The following GPHN variants were observed in gnomAD, a reference collection of about 807,000 sequenced individuals.
GPHN encodes gephyrin.
A neutral mutation model predicts 95.5 loss-of-function variants in GPHN; 17 were observed. The ratio of observed to expected loss-of-function variants is 0.18; its 90% CI spans 0.12 to 0.27. The LOEUF is 0.27. Ranked by LOEUF, GPHN falls within the 10% of genes least tolerant of loss-of-function variation. GPHN has a pLI of 1.00. For missense variants in GPHN, 660 were observed against 978.1 expected, an observed-to-expected ratio of 0.67 and a Z score of 4.34; for synonymous variants, 320 against 322.5, an observed-to-expected ratio of 0.99 and a Z score of 0.08.
the GPHN span, among the ~76,000 whole-genome samples, chr14:67,306,900 G>C: frequency 6.6e-6 from 1 of 152,296 alleles, no homozygotes; most frequent in East Asian, 1.9e-4. Context: ...TTATGGTACA[G>C]GTCAGCATCT....
At chr14:67,358,990 A>T in the GPHN span, among the ~76,000 whole-genome samples, 1,052 of 152,336 alleles carry the variant, frequency 6.9e-3, 6 homozygotes, top group Non-Finnish European at 0.01. Flanking sequence ...AGAAAGACAC[A>T]TAAACAAATA....
the GPHN span, chr14:67,582,363 C>CATGT: frequency 9.4e-6 from 12 of 1,280,086 alleles, no homozygotes; most frequent in Non-Finnish European, 1.3e-5. This position sits in a 1 kb window ranked among gnomAD's most constrained non-coding sequence, Gnocchi z 5.0. Context: ...CTGACTTCTA[C>CATGT]AGATCAGAGC....
At chr14:67,025,777 A>G (rs1043468456) in intron 10 of GPHN, among the ~76,000 whole-genome samples, 1 of 152,208 alleles carries the variant, frequency 6.6e-6, no homozygotes, top group Non-Finnish European at 1.5e-5. Context: ...ATAGCAGGCA[A>G]TGAGTTTGCA....
At chr14:67,343,398 T>C in the GPHN span, 17 of 1,612,310 alleles carry the variant, frequency 1.1e-5, no homozygotes, top group Non-Finnish European at 1.4e-5. Context: ...TACACGCCTG[T>C]TGGTTATCTT....
At chr14:67,411,977 GC>G in the GPHN span, 1 of 1,508,930 alleles carries the variant, frequency 6.6e-7, no homozygotes. Context: ...CGTCGGCGGG[GC>G]CCCACCCGGG....
At chr14:66,831,563 G>C (rs2061581144) in intron 4 of GPHN, among the ~76,000 whole-genome samples, 1 of 152,088 alleles carries the variant, frequency 6.6e-6, no homozygotes, top group African/African-American at 2.4e-5. Context: ...ATGCAATATG[G>C]TATAGTGGAA....
At chr14:67,359,700 C>G in the GPHN span, 1 of 1,613,892 alleles carries the variant, frequency 6.2e-7, no homozygotes, top group Non-Finnish European at 8.5e-7. Flanking sequence ...GCCCGACATT[C>G]TGACGATAAC....
the GPHN span, among the ~76,000 whole-genome samples, chr14:67,612,655 G>A: frequency 6.6e-6 from 1 of 152,170 alleles, no homozygotes; most frequent in Non-Finnish European, 1.5e-5. Context: ...TAAGAAAATA[G>A]GCTGGGTGCG....
intron 5 of GPHN, among the ~76,000 whole-genome samples, chr14:66,894,742 C>T (rs1239107366): frequency 1.3e-5 from 2 of 152,136 alleles, no homozygotes; most frequent in Non-Finnish European, 2.9e-5. Context: ...ATGCAGCCAA[C>T]AGACACATGA....
intron 17 of GPHN, among the ~76,000 whole-genome samples, chr14:67,128,986 G>A (rs549905754): frequency 3.3e-5 from 5 of 151,138 alleles, no homozygotes; most frequent in South Asian, 4.2e-4. Context: ...AGCTAATTTC[G>A]TATTTTTAGT....
At chr14:67,693,556 TAAAAC>T in the GPHN span, among the ~76,000 whole-genome samples, 1 of 150,742 alleles carries the variant, frequency 6.6e-6, no homozygotes, top group African/African-American at 2.4e-5. Context: ...CATACACACT[TAAAAC>T]AAAGAGAAGA....
intron 2 of GPHN, among the ~76,000 whole-genome samples, chr14:66,705,385 T>C (rs2068979898): frequency 6.6e-6 from 1 of 152,080 alleles, no homozygotes; most frequent in South Asian, 2.1e-4. Flanking sequence ...CAGGCCAATA[T>C]CCCTGTTGAA....
the GPHN span, chr14:67,352,601 A>G: frequency 5.1e-3 from 1,015 of 198,190 alleles, 12 homozygotes; most frequent in Non-Finnish European, 4.0e-3. Flanking sequence ...GGAGCCAGTT[A>G]TAAGTTCTGG....
intron 1 of GPHN, among the ~76,000 whole-genome samples, chr14:66,525,624 A>G (rs2058659557): frequency 6.6e-6 from 1 of 152,146 alleles, no homozygotes; most frequent in African/African-American, 2.4e-5. Flanking sequence ...TTATGGTTTT[A>G]GGTCTTACAT....
At chr14:67,376,616 T>G in the GPHN span, 1 of 1,605,034 alleles carries the variant, frequency 6.2e-7, no homozygotes, top group African/African-American at 1.3e-5. Context: ...TGACTCTCCT[T>G]CTACCTTGAT....
At chr14:66,879,353 TAAAAA>T (rs58893187) in intron 4 of GPHN, among the ~76,000 whole-genome samples, 2 of 139,072 alleles carry the variant, frequency 1.4e-5, no homozygotes, top group East Asian at 4.1e-4. Context: ...GAAAGTATAT[TAAAAA>T]AAAAAAAAGT....
At chr14:67,367,327 T>C in the GPHN span, among the ~76,000 whole-genome samples, 1 of 152,138 alleles carries the variant, frequency 6.6e-6, no homozygotes, top group African/African-American at 2.4e-5. Flanking sequence ...GACTCCCTGG[T>C]TCAAGCAATT....
At chr14:66,545,322 G>A (rs1231928607) in intron 1 of GPHN, among the ~76,000 whole-genome samples, 2 of 136,540 alleles carry the variant, frequency 1.5e-5, no homozygotes, top group African/African-American at 3.1e-5. Flanking sequence ...GGGGCGGCTG[G>A]CCGGGCAGGG....
intron 1 of GPHN, among the ~76,000 whole-genome samples, chr14:66,626,911 A>C (rs2153328491): frequency 6.6e-6 from 1 of 152,202 alleles, no homozygotes; most frequent in Non-Finnish European, 1.5e-5. Context: ...TGCAGTTATC[A>C]TTTAGGTTTT....
Sources: gnomAD v4.1 joint callset for allele counts (sites outside exome capture counted in the v4.1 genomes callset) on GRCh38, gnomAD v4.1.1 for gene constraint, Gnocchi (gnomAD v3.1) non-coding constraint, MANE v1.5 for transcripts, NCBI Gene and HGNC (gene_info 2026-07-23, HGNC 2026-07-21) for gene names.